AFF3: variants seen among roughly 807,000 people sequenced by gnomAD.
The protein encoded by AFF3 is AF4/FMR2 family member 3.
A neutral mutation model predicts 129.7 loss-of-function variants in AFF3; 32 were observed. The observed-to-expected ratio is 0.25, with a 90% CI of 0.19 to 0.33. The LOEUF (loss-of-function observed/expected upper bound fraction) is 0.33. Among genes scored for constraint, AFF3 ranks in the 10% least tolerant of loss-of-function variants. The pLI is 1.00. For missense variants in AFF3, 1,373 were observed against 1,592.0 expected (o/e 0.86, Z 2.34); for synonymous variants, 644 against 635.4 (o/e 1.01, Z -0.20).
chr2:99,710,513 T>C (rs972244245), intron 11 of AFF3, among the ~76,000 whole-genome samples: 2 of 152,202 alleles, frequency 1.3e-5, no homozygotes, highest in African/African-American at 4.8e-5. Context: ...TTCCAAAGTG[T>C]TGGTATTACA....
chr2:99,800,032 C>T (rs1685820527), intron 8 of AFF3, among the ~76,000 whole-genome samples: 4 of 151,988 alleles, frequency 2.6e-5, no homozygotes, highest in Admixed American at 2.6e-4. Context: ...GATTTCTTAG[C>T]CACAACTCCA....
At chr2:99,849,714 C>T (rs898606740) in intron 7 of AFF3, among the ~76,000 whole-genome samples, 11 of 152,168 alleles carry the variant, frequency 7.2e-5, no homozygotes, top group Non-Finnish European at 1.3e-4. Flanking sequence ...TAGGAGGCAA[C>T]AAGAGTTCAC....
intron 8 of AFF3, among the ~76,000 whole-genome samples, chr2:99,831,543 T>C (rs1688517786): frequency 6.6e-6 from 1 of 152,200 alleles, no homozygotes; most frequent in Admixed American, 6.5e-5. Flanking sequence ...AAGGTACTGA[T>C]AGATACTATG....
intron 7 of AFF3, among the ~76,000 whole-genome samples, chr2:99,883,789 G>A (rs1043326081): frequency 3.9e-5 from 6 of 152,116 alleles, no homozygotes; most frequent in African/African-American, 1.4e-4. Context: ...TTAGGGATAC[G>A]TGAAAATAAA....
intron 4 of AFF3, among the ~76,000 whole-genome samples, chr2:100,066,067 T>A (rs1296710615): frequency 2.6e-5 from 4 of 152,198 alleles, no homozygotes; most frequent in Admixed American, 6.5e-5. Flanking sequence ...TTGTAGTCAA[T>A]GTTGCTAAAC....
Position 99,932,486 on chromosome 2 carries a change from C to T in AFF3, c.873+74146G>A, listed in dbSNP as rs144732804. 4.8e-3 allele frequency among the ~76,000 whole-genome samples: 724 copies of T among 152,284 alleles called. 1 individual carries two copies. The highest frequency in any genetic ancestry group is 0.017 in the Middle Eastern group (5 of 294). On this transcript the variant is annotated intron_variant, in intron 7 of 24. Transcript: ENST00000672756. ...CAGACACAGCCATGAGAATGTTCCG[C>T]TCCACAGGGGCCATCAGTGCAAATG...
At chr2:99,679,241 C>T (rs1342852652) in intron 11 of AFF3, among the ~76,000 whole-genome samples, 1 of 152,178 alleles carries the variant, frequency 6.6e-6, no homozygotes, top group African/African-American at 2.4e-5. Context: ...CCTTCCTGGA[C>T]TCCCTCCCTC....
chr2:99,741,832 A>G (rs1202426353), intron 10 of AFF3, among the ~76,000 whole-genome samples: 1 of 152,176 alleles, frequency 6.6e-6, no homozygotes, highest in African/African-American at 2.4e-5. Context: ...CTACAAGGCT[A>G]CAGTAACCAA....
At position 99,547,101 on chromosome 2, in the gene AFF3, T is replaced by G; in HGVS notation, c.*4373A>C. 4.6e-6 allele frequency: 1 copy of G among 219,746 alleles called. No homozygotes were observed. The allele number at this position is 219,746 out of a possible 1,614,324, so 13.6% of individuals were successfully genotyped here. A position where few individuals can be genotyped will look rare whatever the true frequency, so the allele number is the denominator to read the frequency against. On this transcript the variant is annotated 3_prime_UTR_variant, in exon 25 of 25. Coordinates refer to ENST00000672756, the MANE Select transcript of AFF3 (RefSeq NM_001386135.1). ...ACTGATAATCTGTGGGAGCTACATT[T>G]AAGCCATTTATGAAACAAAAAGATT...
chr2:99,837,657 G>A, intron 7 of AFF3, 133 bp from the exon 8 acceptor site: 1 of 718,930 alleles, frequency 1.4e-6, no homozygotes, highest in Non-Finnish European at 2.3e-6. Context: ...TGCCTGACCT[G>A]GGACTGGCAG....
chr2:99,881,229 T>A (rs978785381), intron 7 of AFF3, among the ~76,000 whole-genome samples: 1 of 152,190 alleles, frequency 6.6e-6, no homozygotes, highest in Non-Finnish European at 1.5e-5. Context: ...ATCATAGGGA[T>A]AAATAGCATC....
At chr2:99,827,604 A>C (rs1688187619) in intron 8 of AFF3, among the ~76,000 whole-genome samples, 1 of 152,002 alleles carries the variant, frequency 6.6e-6, no homozygotes, top group African/African-American at 2.4e-5. Flanking sequence ...GAGTCTAGTT[A>C]GGAAGGAAGA....
At chr2:99,919,106 A>G (rs1318628553) in intron 7 of AFF3, among the ~76,000 whole-genome samples, 2 of 152,122 alleles carry the variant, frequency 1.3e-5, no homozygotes, top group Non-Finnish European at 2.9e-5. Flanking sequence ...TCCCCCCGGT[A>G]GTAGTACAGA....
chr2:99,817,888 T>C (rs1687365151), intron 8 of AFF3, among the ~76,000 whole-genome samples: 1 of 152,206 alleles, frequency 6.6e-6, no homozygotes, highest in African/African-American at 2.4e-5. Flanking sequence ...TTATAAACTC[T>C]AAATTCACTC....
At chr2:100,129,903 G>A (rs1429428488) in intron 1 of AFF3, among the ~76,000 whole-genome samples, 1 of 152,184 alleles carries the variant, frequency 6.6e-6, no homozygotes, top group Non-Finnish European at 1.5e-5. Flanking sequence ...AATGAGTGAT[G>A]ATTAATATTA....
chr2:99,744,070 C>T lies in AFF3; in HGVS notation c.1039+34G>A, dbSNP rs757634810. 4 of 1,586,604 alleles carry T rather than the reference C, an allele frequency of 2.5e-6. No homozygotes were observed. The East Asian group carries it at 9.1e-5, about 36-fold the overall frequency. On this transcript the variant is annotated intron_variant, in intron 10 of 24. Transcript: ENST00000672756. The stretch of plus-strand genomic sequence containing the variant: ...TGCCCTCTGCCCCCACCCCCTGCTC[C>T]CCAGATGAAACTCCAGAGCGAAGTC...
At position 99,594,213 on chromosome 2, in the gene AFF3, A is replaced by C. The variant is rs1430232566; in HGVS notation, c.1448T>G (p.Leu483Arg). Residue 483 changes from leucine to arginine, a missense_variant, in exon 15 of 25, where the codon CTG becomes CGG. Coordinates refer to ENST00000672756, the MANE Select transcript of AFF3 (RefSeq NM_001386135.1). ...TGACCCGTGGCTTTCATTTTGGATCAGAATAGGAGGCTTGTGGGGATTAAC... is the reference window on the plus strand; with the variant it reads ...TGACCCGTGGCTTTCATTTTGGATCCGAATAGGAGGCTTGTGGGGATTAAC... ...NKVNPHKPPI[L>R]IQNESHGSES... is the part of the protein sequence containing the mutation. 1 of 1,613,896 alleles carries C rather than the reference A, an allele frequency of 6.2e-7. No individual in the cohort carries two copies.
chr2:99,735,140 G>A (rs1458965284), intron 10 of AFF3, among the ~76,000 whole-genome samples: 1 of 152,018 alleles, frequency 6.6e-6, no homozygotes, highest in African/African-American at 2.4e-5. Context: ...TTTAATCATA[G>A]TCATTTCGTC....
At chr2:100,111,784 T>C (rs1691518323) in intron 2 of AFF3, among the ~76,000 whole-genome samples, 1 of 152,234 alleles carries the variant, frequency 6.6e-6, no homozygotes, top group African/African-American at 2.4e-5. Flanking sequence ...TAGAACCCTA[T>C]AATAAGATCG....
Sources: allele counts gnomAD v4.1 joint callset (sites outside exome capture counted in the v4.1 genomes callset), GRCh38; gene constraint gnomAD v4.1.1; transcripts MANE v1.5; gene names NCBI Gene and HGNC (gene_info 2026-07-23, HGNC 2026-07-21).